Variants in ACER3 observed in about 807,000 individuals in gnomAD.
ACER3 encodes alkaline ceramidase 3.
In ACER3, 16 loss-of-function variants were observed where a neutral mutation model predicts 48.9. That is an observed-to-expected ratio of 0.33 (90% CI 0.22 to 0.50). The LOEUF (loss-of-function observed/expected upper bound fraction) is 0.50, where lower values mean the gene tolerates loss of function less well. ACER3 is among the 20% of genes least tolerant of loss of function. The pLI is 0.98. For synonymous variants in ACER3, 109 were observed against 107.8 expected (o/e 1.01, Z -0.07); for missense variants, 227 against 326.0 (o/e 0.70, Z 2.34).
chr11:76,928,438 T>C (rs1397187383), intron 2 of ACER3, among the ~76,000 whole-genome samples: 1 of 152,236 alleles, frequency 6.6e-6, no homozygotes, highest in African/African-American at 2.4e-5. Context: ...GATAGTTTCT[T>C]TTGCTGTGCA....
chr11:76,896,476 T>C (rs781681681), intron 1 of ACER3, among the ~76,000 whole-genome samples: 1 of 151,462 alleles, frequency 6.6e-6, no homozygotes, highest in Non-Finnish European at 1.5e-5. Context: ...CTGGGCAACA[T>C]GATGAAACCC....
At chr11:77,011,346 A>G (rs1285885335) in intron 7 of ACER3, 2 of 985,434 alleles carry the variant, frequency 2.0e-6, no homozygotes, top group African/African-American at 3.5e-5. Flanking sequence ...ATTGCTTTGA[A>G]CTGCCCCTGA....
intron 1 of ACER3, among the ~76,000 whole-genome samples, chr11:76,916,177 G>A (rs538693433): frequency 6.6e-6 from 1 of 152,270 alleles, no homozygotes; most frequent in African/African-American, 2.4e-5. Flanking sequence ...AAATTAGTTT[G>A]GGGTGAAGGA....
rs1949537392 is a variant in ACER3 at position 77,025,415 on chromosome 11, T to TATATATATATATATATATATATATATA, written c.*5088_*5089insATATATATATATATATATATATATATA. ...CTTTATATATATATATATATATTTATTTATTTTTTTGAGACAGAGTCTCTC... is the reference window on the plus strand; with the variant it reads ...CTTTATATATATATATATATATTTATATATATATATATATATATATATATATATTATTTTTTTGAGACAGAGTCTCTC... On this transcript the variant is annotated 3_prime_UTR_variant, in exon 11 of 11. Transcript: ENST00000532485. The TATATATATATATATATATATATATATA allele has an allele frequency of 6.8e-6, 1 of 147,252 alleles. No homozygotes were observed. Among genetic ancestry groups the TATATATATATATATATATATATATATA allele is most frequent in the African/African-American group, 2.5e-5 (1 of 39,666 alleles). 9.1% of individuals were successfully genotyped at this position (147,252 alleles called of 1,614,324 possible). A position where few individuals can be genotyped will look rare whatever the true frequency, so the allele number is the denominator to read the frequency against.
intron 1 of ACER3, among the ~76,000 whole-genome samples, chr11:76,875,107 CTTTTTTTTTTTT>C (rs10676364): frequency 0.19 from 15,107 of 78,298 alleles, 3,269 homozygotes; most frequent in African/African-American, 0.51. Flanking sequence ...AAAAGCACTT[CTTTTTTTTTTTT>C]TTTTTTTTTT....
intron 3 of ACER3, among the ~76,000 whole-genome samples, chr11:76,965,235 T>G (rs1037807287): frequency 6.6e-6 from 1 of 150,970 alleles, no homozygotes; most frequent in Non-Finnish European, 1.5e-5. Flanking sequence ...ATGAATGAAA[T>G]GAAGCCAGAA....
chr11:76,864,631 G>A (rs1184102424), intron 1 of ACER3, among the ~76,000 whole-genome samples: 3 of 116,012 alleles, frequency 2.6e-5, no homozygotes, highest in Admixed American at 2.1e-4. Flanking sequence ...GTAGAGTCTC[G>A]CTCTGTTGCC....
chr11:76,919,389 A>T (rs1214927693), intron 1 of ACER3, among the ~76,000 whole-genome samples: 1 of 152,058 alleles, frequency 6.6e-6, no homozygotes, highest in Non-Finnish European at 1.5e-5. Flanking sequence ...CATATTTTTG[A>T]TATTTGAGTT....
intron 1 of ACER3, among the ~76,000 whole-genome samples, chr11:76,924,754 T>TATTACA (rs1946774051): frequency 6.6e-6 from 1 of 152,062 alleles, no homozygotes; most frequent in South Asian, 2.1e-4. Flanking sequence ...ATGTAAATAA[T>TATTACA]GTGCACTGCT....
chr11:76,889,235 AG>A (rs1319419157), intron 1 of ACER3, among the ~76,000 whole-genome samples: 2 of 151,932 alleles, frequency 1.3e-5, no homozygotes, highest in Non-Finnish European at 2.9e-5. Context: ...TCTGAAGGGC[AG>A]TCATAACTGA....
intron 2 of ACER3, among the ~76,000 whole-genome samples, chr11:76,931,769 C>A (rs10793210): frequency 5.3e-5 from 8 of 151,400 alleles, no homozygotes; most frequent in Non-Finnish European, 1.2e-4. Context: ...AAAATTCTTT[C>A]CTTTAAGAAT....
At chr11:76,868,382 TCTC>T in intron 1 of ACER3, 1 of 505,922 alleles carries the variant, frequency 2.0e-6, no homozygotes, top group East Asian at 8.8e-5. Context: ...AATATCTCTC[TCTC>T]TCTCTCTGTG....
intron 1 of ACER3, among the ~76,000 whole-genome samples, chr11:76,900,289 T>A (rs1023528552): frequency 1.3e-5 from 2 of 152,136 alleles, no homozygotes; most frequent in African/African-American, 4.8e-5. Flanking sequence ...TGGTCCTGTC[T>A]CAGGGGTGGC....
At chr11:76,867,785 T>A (rs1226122972) in intron 1 of ACER3, among the ~76,000 whole-genome samples, 1 of 152,218 alleles carries the variant, frequency 6.6e-6, no homozygotes, top group African/African-American at 2.4e-5. Context: ...ATGGGAAGAA[T>A]GGCTGTTGTG....
intron 2 of ACER3, among the ~76,000 whole-genome samples, chr11:76,940,696 C>A (rs920836382): frequency 6.6e-6 from 1 of 152,124 alleles, no homozygotes. Flanking sequence ...TACTTCTATA[C>A]CTTATTCTTA....
At chr11:76,917,401 A>G (rs967339635) in intron 1 of ACER3, among the ~76,000 whole-genome samples, 1 of 152,198 alleles carries the variant, frequency 6.6e-6, no homozygotes. Context: ...CTAAACTATT[A>G]TATATATCCC....
At chr11:76,968,439 T>C (rs1948198797) in intron 3 of ACER3, among the ~76,000 whole-genome samples, 1 of 151,970 alleles carries the variant, frequency 6.6e-6, no homozygotes, top group African/African-American at 2.4e-5. Context: ...TTGGAAAAAA[T>C]TACTTTAAAG....
chr11:76,967,946 A>G (rs1277622897), intron 3 of ACER3, among the ~76,000 whole-genome samples: 1 of 152,154 alleles, frequency 6.6e-6, no homozygotes, highest in African/African-American at 2.4e-5. Context: ...GGCCAGGGCA[A>G]TCAGGCAGGA....
At chr11:76,985,130 A>T (rs1948661913) in intron 4 of ACER3, among the ~76,000 whole-genome samples, 1 of 151,786 alleles carries the variant, frequency 6.6e-6, no homozygotes, top group Admixed American at 6.6e-5. Flanking sequence ...TATGACTTTG[A>T]CTCTCTATAC....
Sources: gnomAD v4.1 joint callset for allele counts (sites outside exome capture counted in the v4.1 genomes callset) on GRCh38, gnomAD v4.1.1 for gene constraint, MANE v1.5 for transcripts, NCBI Gene and HGNC (gene_info 2026-07-23, HGNC 2026-07-21) for gene names.